Variants in PCBP2 observed in about 807,000 individuals in gnomAD.
PCBP2 encodes poly(rC) binding protein 2.
A neutral mutation model predicts 50.1 loss-of-function variants in PCBP2; 4 were observed. The ratio of observed to expected loss-of-function variants is 0.08; its 90% CI spans 0.04 to 0.18. The LOEUF (loss-of-function observed/expected upper bound fraction) is 0.18. Ranked by LOEUF, PCBP2 falls within the 10% of genes least tolerant of loss-of-function variation. PCBP2 has a pLI of 1.00. For synonymous variants in PCBP2, 179 were observed against 168.0 expected, an observed-to-expected ratio of 1.07 and a Z score of -0.51; for missense variants, 161 against 474.3, an observed-to-expected ratio of 0.34 and a Z score of 6.14.
At chr12:53,467,109 T>G (rs1728879464) in intron 10 of PCBP2, 112 bp from the exon 11 acceptor site, 2 of 726,260 alleles carry the variant, frequency 2.8e-6, no homozygotes, top group Admixed American at 2.2e-5. Context: ...TGTTGTAGTT[T>G]GAGTAGTAGA....
chr12:53,479,260 G>C, intron 14 of PCBP2, 146 bp from the exon 15 acceptor site: 1 of 696,284 alleles, frequency 1.4e-6, no homozygotes. Flanking sequence ...AAAGGATCAT[G>C]GTACTGGTAA....
intron 7 of PCBP2, among the ~76,000 whole-genome samples, chr12:53,461,505 T>G (rs1465176070): frequency 6.6e-6 from 1 of 152,222 alleles, no homozygotes; most frequent in Non-Finnish European, 1.5e-5. Context: ...TTTGACATGT[T>G]CTTTAACAAC....
chr12:53,452,809 C>G (rs1218936802), intron 1 of PCBP2: 6 of 152,098 alleles, frequency 3.9e-5, no homozygotes, highest in East Asian at 1.9e-4. Flanking sequence ...CAGCGCCCCC[C>G]CCCGACCGAA....
At chr12:53,454,992 C>A in intron 2 of PCBP2, 123 bp downstream of exon 2, 1 of 822,774 alleles carries the variant, frequency 1.2e-6, no homozygotes, top group East Asian at 2.5e-5. Context: ...GCACATTTCC[C>A]TAATGGAGTA....
At chr12:53,461,167 A>C (rs1193919817) in intron 7 of PCBP2, 24 bp downstream of exon 7, 1 of 1,612,514 alleles carries the variant, frequency 6.2e-7, no homozygotes, top group South Asian at 1.1e-5. Context: ...CTCATGCTGA[A>C]AATGGGGGGA....
chr12:53,455,133 A>G (rs535777716), intron 2 of PCBP2, among the ~76,000 whole-genome samples: 4 of 152,348 alleles, frequency 2.6e-5, no homozygotes, highest in African/African-American at 7.2e-5. Flanking sequence ...GTGATTGCTT[A>G]TAGCAAGTCC....
chr12:53,462,209 C>T (rs1941498999), intron 7 of PCBP2, among the ~76,000 whole-genome samples: 1 of 152,156 alleles, frequency 6.6e-6, no homozygotes, highest in Non-Finnish European at 1.5e-5. Flanking sequence ...TTTTCATGTC[C>T]ATTAAATTTA....
chr12:53,464,992 C>T, intron 9 of PCBP2, 140 bp downstream of exon 9: 2 of 1,092,254 alleles, frequency 1.8e-6, no homozygotes, highest in Non-Finnish European at 2.4e-6. Flanking sequence ...GACTGACCCC[C>T]CCAACCTCAT....
intron 14 of PCBP2, among the ~76,000 whole-genome samples, chr12:53,477,404 G>A (rs1012716271): frequency 7.9e-5 from 12 of 152,036 alleles, no homozygotes; most frequent in African/African-American, 1.7e-4. Context: ...GGTGGCTCAC[G>A]CCTGTAATCC....
At position 53,459,325 on chromosome 12, in the gene PCBP2, C is replaced by G; in HGVS notation, c.297C>G (p.Thr99=). ...CAGCTGCCAGTAGACCCCCGGTCAC[C>G]CTGAGGCTGGTGGTCCCTGCTAGTC... ...NSTAASRPPV[T]LRLVVPASQC... The change falls in exon 6 of 15, where the codon ACC becomes ACG. Residue 99 remains threonine, a synonymous_variant. Transcript: ENST00000546463. 6.2e-7 allele frequency: 1 copy of G among 1,613,404 alleles called. No individual in the cohort carries two copies. The highest frequency in any genetic ancestry group is 1.1e-5 in the South Asian group (1 of 91,044).
intron 1 of PCBP2, 116 bp from the exon 2 acceptor site, chr12:53,454,610 C>T (rs1940850589): frequency 5.0e-6 from 3 of 601,070 alleles, no homozygotes; most frequent in South Asian, 3.8e-5. Flanking sequence ...ATAAGTCTGA[C>T]ATACTGTCAT....
chr12:53,453,815 G>C (rs1940769464), intron 1 of PCBP2, among the ~76,000 whole-genome samples: 1 of 152,172 alleles, frequency 6.6e-6, no homozygotes, highest in South Asian at 2.1e-4. Context: ...TTACTCTAAA[G>C]CAGAAATGTT....
intron 6 of PCBP2, 37 bp from the exon 7 acceptor site, chr12:53,460,978 G>A (rs1337156854): frequency 1.2e-6 from 2 of 1,609,986 alleles, no homozygotes; most frequent in Non-Finnish European, 1.7e-6. Flanking sequence ...AGCATGAACT[G>A]TTTTTCTCTG....
Position 53,468,392 on chromosome 12 carries a change from T to C in PCBP2, c.827-385T>C, listed in dbSNP as rs369367689. 4.3e-4 allele frequency: 103 copies of C among 238,242 alleles called. 3 individuals carry two copies. Among genetic ancestry groups the C allele is most frequent in the South Asian group, 3.9e-3 (57 of 14,578 alleles). The allele number at this position is 238,242 out of a possible 1,614,324, so 14.8% of individuals were successfully genotyped here. ...CCATTAACAGGCATAATATTGGCAC[T>C]GGTGCTAGTGAGCATCAGGTGAGAT... On this transcript the variant is annotated intron_variant, in intron 12 of 14. Coordinates refer to ENST00000546463, the MANE Select transcript of PCBP2 (RefSeq NM_031989.5).
chr12:53,467,657 C>T, intron 11 of PCBP2, 148 bp from the exon 12 acceptor site: 2 of 713,428 alleles, frequency 2.8e-6, no homozygotes, highest in Non-Finnish European at 5.0e-6. Context: ...TAGAGACCAT[C>T]CATTTGTGCC....
At chr12:53,474,833 A>G (rs1942464501) in intron 14 of PCBP2, 1 of 367,152 alleles carries the variant, frequency 2.7e-6, no homozygotes, top group South Asian at 2.0e-5. Flanking sequence ...CCTTCCACCC[A>G]CCCTTTTTTT....
Position 53,474,818 on chromosome 12 carries a change from T to A in PCBP2, c.1052+3011T>A, listed in dbSNP as rs1942463498. The A allele has an allele frequency of 1.1e-5, 4 of 362,280 alleles. No individual in the cohort carries two copies. The Admixed American group carries it at 1.4e-4, about 13-fold the overall frequency. The allele number at this position is 362,280 out of a possible 1,614,324, so 22.4% of individuals were successfully genotyped here. A position where few individuals can be genotyped will look rare whatever the true frequency, so the allele number is the denominator to read the frequency against. On this transcript the variant is annotated intron_variant, in intron 14 of 14. Coordinates refer to ENST00000546463, the MANE Select transcript of PCBP2 (RefSeq NM_031989.5). ...GTCCTGTACTTACTCCCTTTTGTGG[T>A]CTTCCCTTCCACCCACCCTTTTTTT...
rs1940871632 is a variant in PCBP2, at chr12:53,454,903, A to G, written c.69+34A>G. Reference sequence around the variant, plus strand: ...TAGCTTGGGAAATGGGGTCATAGTAACTGCTAGGGGAGGGGCCAGGAAGAG... The same window carrying G: ...TAGCTTGGGAAATGGGGTCATAGTAGCTGCTAGGGGAGGGGCCAGGAAGAG... On this transcript the variant is annotated intron_variant, in intron 2 of 14. Transcript: ENST00000546463. 4 of 1,565,074 alleles carry G rather than the reference A, an allele frequency of 2.6e-6. No individual in the cohort carries two copies. The South Asian group carries it at 4.4e-5, about 17-fold the overall frequency.
chr12:53,468,761 C>G lies in PCBP2; in HGVS notation c.827-16C>G, dbSNP rs1254728648. ...ATGCTGTGCATTGAATTTGCTTGCT[C>G]TCTTCTGTCTTTTAGCAGGTTTGGA... On this transcript the variant is annotated splice_polypyrimidine_tract_variant and intron_variant, in intron 12 of 14. Transcript: ENST00000546463. 1.2e-6 allele frequency: 2 copies of G among 1,606,824 alleles called. No homozygotes were observed. The highest frequency in any genetic ancestry group is 1.7e-5 in the Admixed American group (1 of 59,940).
Sources: allele counts gnomAD v4.1 joint callset (sites outside exome capture counted in the v4.1 genomes callset), GRCh38; gene constraint gnomAD v4.1.1; transcripts MANE v1.5; gene names NCBI Gene and HGNC (gene_info 2026-07-23, HGNC 2026-07-21).